The following ADAM17 variants were observed in gnomAD, a reference collection of about 807,000 sequenced individuals.
ADAM17 encodes disintegrin and metalloproteinase domain-containing protein 17.
In ADAM17, 39 loss-of-function variants were observed where a neutral mutation model predicts 96.7. That is an observed-to-expected ratio of 0.40 (90% CI 0.31 to 0.53). ADAM17 has a LOEUF of 0.53. ADAM17 is among the 20% of genes least tolerant of loss of function. ADAM17 has a pLI of 0.44. For missense variants in ADAM17, 777 were observed against 1,013.2 expected, an observed-to-expected ratio of 0.77 and a Z score of 3.17; for synonymous variants, 344 against 359.2, an observed-to-expected ratio of 0.96 and a Z score of 0.48.
rs1662005144 is a variant in ADAM17, at chr2:9,490,185, C to CTGT, written c.2464_2466dup (p.Thr822dup). 6.3e-7 allele frequency: 1 copy of CTGT among 1,592,894 alleles called. No individual in the cohort carries two copies. Among genetic ancestry groups the CTGT allele is most frequent in the Non-Finnish European group, 8.6e-7 (1 of 1,162,586 alleles). ...AAGAGCTGAGAACTAAATTAGCACT[C>CTGT]TGTTTCTTTGCTGTCAACACGATTC... On this transcript the variant is annotated inframe_insertion, in exon 19 of 19. Transcript: ENST00000310823.
At position 9,555,547 on chromosome 2, in the gene ADAM17, G is replaced by A. The variant is rs749144062; in HGVS notation, c.59C>T (p.Pro20Leu). 6.2e-7 allele frequency: 1 copy of A among 1,604,124 alleles called. No individual in the cohort carries two copies. The highest frequency in any genetic ancestry group is 8.5e-7 in the Non-Finnish European group (1 of 1,175,314). The change falls in exon 1 of 19, where the codon CCT becomes CTT. Residue 20 changes from proline to leucine, a missense_variant. Transcript: ENST00000310823. ...GGGGCCGAAGCCCGGGTCATCCGGA[G>A]GTCGCGGCGCCAGCACGAAAGGAAC... ...SVVPFVLAPR[P>L]PDDPGFGPHQ...
rs1417688140 is a variant in ADAM17, at chr2:9,517,888, T to C, written c.1191+13A>G. 3.3e-6 allele frequency: 5 copies of C among 1,530,512 alleles called. No individual in the cohort carries two copies. Among genetic ancestry groups the C allele is most frequent in the Non-Finnish European group, 4.4e-6 (5 of 1,134,386 alleles). The allele number at this position is 1,530,512 out of a possible 1,614,324, so 94.8% of individuals were successfully genotyped here. On this transcript the variant is annotated intron_variant, in intron 10 of 18. Transcript: ENST00000310823. ...AACTCTAACACTATTCTTTTAGAAA[T>C]AAAAGAACATACCTTTGTAAGGATG... is the stretch of plus-strand genomic sequence containing the variant.
chr2:9,504,533 A>C (rs56974302), intron 12 of ADAM17, among the ~76,000 whole-genome samples: 3,009 of 152,202 alleles, frequency 0.02, 99 homozygotes, highest in African/African-American at 0.069. Context: ...TTGGGAGGCC[A>C]AGGTGGATGG....
chr2:9,498,997 AT>A (rs1164133072), intron 13 of ADAM17, among the ~76,000 whole-genome samples: 1 of 152,052 alleles, frequency 6.6e-6, no homozygotes, highest in African/African-American at 2.4e-5. Flanking sequence ...CCCTTCCCAC[AT>A]TTTTTGATGC....
intron 14 of ADAM17, among the ~76,000 whole-genome samples, chr2:9,495,690 G>A (rs1446852636): frequency 2.0e-5 from 3 of 147,586 alleles, no homozygotes; most frequent in Non-Finnish European, 4.5e-5. Flanking sequence ...CTCCAGCCTG[G>A]GCGAGAGTGA....
At chr2:9,550,139 G>T (rs935504414) in intron 1 of ADAM17, among the ~76,000 whole-genome samples, 1 of 152,124 alleles carries the variant, frequency 6.6e-6, no homozygotes, top group Non-Finnish European at 1.5e-5. Context: ...TGTCAGGTGC[G>T]GGTTGTTGGG....
chr2:9,504,620 G>A (rs978534965), intron 12 of ADAM17, among the ~76,000 whole-genome samples: 46 of 151,094 alleles, frequency 3.0e-4, no homozygotes, highest in African/African-American at 8.7e-4. Flanking sequence ...AAAATTAGCC[G>A]GGCATGGTGG....
chr2:9,493,113 A>C (rs1662295249), intron 16 of ADAM17, 127 bp from the exon 17 acceptor site: 1 of 724,526 alleles, frequency 1.4e-6, no homozygotes, highest in Non-Finnish European at 2.2e-6. Context: ...CCGAGAGCAG[A>C]ATGTCTGTGC....
rs941796322 is a variant in ADAM17, at chr2:9,521,105, C to T, written c.957+98G>A. On this transcript the variant is annotated intron_variant, in intron 8 of 18. Transcript: ENST00000310823. ...CTGGAGGAGACTGCTTCTGGGTGTC[C>T]ATCTTTTCTAACATGCTCCTTCATT... 5 of 947,240 alleles carry T rather than the reference C, an allele frequency of 5.3e-6. No individual in the cohort carries two copies. In the African/African-American group the frequency reaches 8.1e-5, roughly 15 times the overall value. The allele number at this position is 947,240 out of a possible 1,614,324, so 58.7% of individuals were successfully genotyped here. A position where few individuals can be genotyped will look rare whatever the true frequency, so the allele number is the denominator to read the frequency against.
intron 4 of ADAM17, among the ~76,000 whole-genome samples, chr2:9,532,638 A>ATTTTT (rs70948827): frequency 3.7e-4 from 42 of 114,234 alleles, no homozygotes; most frequent in African/African-American, 1.1e-3. Context: ...TGCCCAGCTA[A>ATTTTT]TTTTTTTTTT....
intron 1 of ADAM17, among the ~76,000 whole-genome samples, chr2:9,550,144 G>A (rs2125045436): frequency 6.6e-6 from 1 of 152,294 alleles, no homozygotes; most frequent in East Asian, 1.9e-4. Context: ...GGTGCGGGTT[G>A]TTGGGACTAA....
intron 17 of ADAM17, 149 bp downstream of exon 17, chr2:9,492,749 G>C (rs1662264718): frequency 1.8e-6 from 1 of 569,998 alleles, no homozygotes; most frequent in African/African-American, 1.9e-5. Flanking sequence ...TACAAGACAT[G>C]TTCCCCTAGG....
In ADAM17 at chr2:9,554,166, C is replaced by T. The variant is rs182046445; in HGVS notation, c.97+1343G>A. 4.5e-4 allele frequency among the ~76,000 whole-genome samples: 68 copies of T among 152,264 alleles called. No individual in the cohort carries two copies. The East Asian group carries it at 0.011, about 25-fold the overall frequency. Reference sequence around the variant, plus strand: ...ACTGTATGCTTCCTTGGGACTCATGCTTATTTTTACCTACGAACAACAGAT... The same window carrying T: ...ACTGTATGCTTCCTTGGGACTCATGTTTATTTTTACCTACGAACAACAGAT... On this transcript the variant is annotated intron_variant, in intron 1 of 18. Coordinates refer to ENST00000310823, the MANE Select transcript of ADAM17 (RefSeq NM_003183.6).
rs182967206 is a variant in ADAM17, at chr2:9,528,855, G to A, written c.451-901C>T. On this transcript the variant is annotated intron_variant, in intron 4 of 18. Coordinates refer to ENST00000310823, the MANE Select transcript of ADAM17 (RefSeq NM_003183.6). ...AACCCTCACATATGCTGATGAGAAT[G>A]TAAAATGGTAAAACCACTTTAGAAA... 2.2e-3 allele frequency among the ~76,000 whole-genome samples: 333 copies of A among 152,314 alleles called. 1 individual carries two copies. The highest frequency in any genetic ancestry group is 7.8e-3 in the African/African-American group (323 of 41,572).
chr2:9,510,560 A>G (rs1376663294), intron 10 of ADAM17, among the ~76,000 whole-genome samples: 1 of 151,888 alleles, frequency 6.6e-6, no homozygotes. Flanking sequence ...ACTACTCGGG[A>G]GGCTGAGGCA....
chr2:9,539,115 T>C (rs1665101753), intron 2 of ADAM17, among the ~76,000 whole-genome samples: 1 of 151,948 alleles, frequency 6.6e-6, no homozygotes, highest in Admixed American at 6.5e-5. Context: ...TCTTGATTTT[T>C]TTTTTTTTTT....
At chr2:9,524,038 G>A (rs1217721655) in intron 6 of ADAM17, among the ~76,000 whole-genome samples, 1 of 144,668 alleles carries the variant, frequency 6.9e-6, no homozygotes, top group African/African-American at 2.8e-5. Flanking sequence ...ACCATGCCGG[G>A]CTTTTTTTTT....
intron 14 of ADAM17, among the ~76,000 whole-genome samples, chr2:9,495,091 ACTTT>A (rs1351038838): frequency 1.3e-5 from 2 of 152,108 alleles, no homozygotes; most frequent in Admixed American, 6.5e-5. Flanking sequence ...CTTTGTCCCA[ACTTT>A]CTTGTCACCC....
intron 10 of ADAM17, 75 bp from the exon 11 acceptor site, chr2:9,510,206 T>C (rs1287181472): frequency 1.6e-5 from 24 of 1,496,244 alleles, no homozygotes; most frequent in Non-Finnish European, 2.1e-5. Flanking sequence ...GGGCCTATGC[T>C]GTCTTAAATA....
Sources: allele counts gnomAD v4.1 joint callset (sites outside exome capture counted in the v4.1 genomes callset), GRCh38; gene constraint gnomAD v4.1.1; transcripts MANE v1.5; gene names NCBI Gene and HGNC (gene_info 2026-07-23, HGNC 2026-07-21).